The following CORO7 variants were observed in gnomAD, a reference collection of about 807,000 sequenced individuals.
CORO7 encodes coronin 7.
In CORO7, 107 loss-of-function variants were observed where a neutral mutation model predicts 126.6. That is an observed-to-expected ratio of 0.85 (90% CI 0.72 to 0.99). The LOEUF is 0.99. CORO7 is among the 50% of genes least tolerant of loss of function. The pLI is 0.00. For synonymous variants in CORO7, 603 were observed against 536.8 expected (o/e 1.12, Z -1.70); for missense variants, 1,314 against 1,255.8 (o/e 1.05, Z -0.70).
chr16:4,365,683 A>G, intron 9 of CORO7, 138 bp from the exon 10 acceptor site: 1 of 1,177,132 alleles, frequency 8.5e-7, no homozygotes, highest in Non-Finnish European at 1.2e-6. Flanking sequence ...CCTGGTCCCC[A>G]GGAACCCCCT....
Position 4,357,174 on chromosome 16 carries a change from C to T in CORO7, c.2679G>A (p.Lys893=), listed in dbSNP as rs1216737107. The change falls in exon 26 of 28, where the codon AAG becomes AAA. Residue 893 remains lysine (K), a synonymous_variant. Transcript: ENST00000251166. The part of the protein sequence containing the change: ...YLEEKSDQQK[K]EELLNAMVAK... The stretch of plus-strand genomic sequence containing the variant: ...TGCTCTCTCCCATGCCTACCTCCTC[C>T]TTCTTTTGCTGGTCAGACTTTTCTT... 3.7e-6 allele frequency: 6 copies of T among 1,613,816 alleles called. No individual in the cohort carries two copies. The highest frequency in any genetic ancestry group is 2.7e-5 in the African/African-American group (2 of 74,906).
Position 4,359,300 on chromosome 16 carries a change from T to TG in CORO7, c.2335dup (p.His779ProfsTer9), listed in dbSNP as rs2054082340. ...GAGGCGCCAGGGTGGCCTCACCTTG[T>TG]GGGGGTCAGGCGACGTGAAGCTGTT... On this transcript the variant is annotated frameshift_variant, in exon 23 of 28. Coordinates refer to ENST00000251166, the MANE Select transcript of CORO7 (RefSeq NM_024535.5). LOFTEE classifies it high-confidence loss of function. 6.2e-7 allele frequency: 1 copy of TG among 1,604,632 alleles called. No individual in the cohort carries two copies. The highest frequency in any genetic ancestry group is 8.5e-7 in the Non-Finnish European group (1 of 1,176,532).
intron 6 of CORO7, among the ~76,000 whole-genome samples, chr16:4,402,575 C>T (rs1209937303): frequency 2.6e-5 from 4 of 152,166 alleles, no homozygotes; most frequent in African/African-American, 7.2e-5. Flanking sequence ...TGTGAGGATG[C>T]GGACAGCGCC....
intron 9 of CORO7, among the ~76,000 whole-genome samples, chr16:4,368,105 G>A (rs2054404430): frequency 6.6e-6 from 1 of 152,180 alleles, no homozygotes. Flanking sequence ...CCAGCACTTT[G>A]GGAGGCCGAG....
At chr16:4,388,439 G>T in intron 8 of CORO7, 106 bp downstream of exon 8, 1 of 1,284,950 alleles carries the variant, frequency 7.8e-7, no homozygotes, top group Non-Finnish European at 1.1e-6. Flanking sequence ...GGACAGGCCT[G>T]GAACTGGCCC....
At chr16:4,361,929 C>T (rs182234595) in intron 16 of CORO7, 56 bp downstream of exon 16, 13 of 1,553,404 alleles carry the variant, frequency 8.4e-6, no homozygotes, top group Admixed American at 5.8e-5. Context: ...AGGCCCTCCG[C>T]GTCTTTGCCA....
rs1395301868 is a variant in CORO7, at chr16:4,359,502, C to T, written c.2228G>A (p.Gly743Asp). ...TLLPSYDPDT[G>D]LVLLTGKGDT... ...CACCTTGCCGGTCAGGAGCACCAGG[C>T]CAGTGTCTGGGTCGTAGCTGGGCAG... The change falls in exon 22 of 28, where the codon GGC (glycine) becomes GAC (aspartate). Residue 743 changes from glycine (G) to aspartate (D), a missense_variant. Transcript: ENST00000251166. 6.2e-7 allele frequency: 1 copy of T among 1,613,398 alleles called. No individual in the cohort carries two copies. Among genetic ancestry groups the T allele is most frequent in the South Asian group, 1.1e-5 (1 of 91,092 alleles).
intron 12 of CORO7, 32 bp downstream of exon 12, chr16:4,364,743 C>G: frequency 6.3e-7 from 1 of 1,599,376 alleles, no homozygotes; most frequent in Non-Finnish European, 8.5e-7. Context: ...GACTCCCCAG[C>G]CCCCGCAGTC....
chr16:4,404,881 A>G (rs2055940051), intron 6 of CORO7, among the ~76,000 whole-genome samples: 1 of 151,912 alleles, frequency 6.6e-6, no homozygotes, highest in Admixed American at 6.6e-5. Flanking sequence ...CCCTCACTGC[A>G]CCACCTGCCC....
At chr16:4,400,953 T>C (rs1346089886) in intron 6 of CORO7, among the ~76,000 whole-genome samples, 1 of 152,158 alleles carries the variant, frequency 6.6e-6, no homozygotes, top group Non-Finnish European at 1.5e-5. Context: ...TCACTTTTTC[T>C]GTAAACTTAA....
intron 9 of CORO7, among the ~76,000 whole-genome samples, chr16:4,366,534 G>A (rs2054354078): frequency 7.7e-6 from 1 of 129,894 alleles, no homozygotes; most frequent in Non-Finnish European, 1.6e-5. Flanking sequence ...CCTGATCTTT[G>A]CTTTTTTTTT....
At chr16:4,360,601 C>T in intron 19 of CORO7, 53 bp from the exon 20 acceptor site, 1 of 1,543,224 alleles carries the variant, frequency 6.5e-7, no homozygotes, top group South Asian at 1.2e-5. Flanking sequence ...CTGGCCCCAC[C>T]TCTCCCCACT....
intron 1 of CORO7, chr16:4,415,785 C>G (rs919471935): frequency 1.0e-6 from 1 of 985,622 alleles, no homozygotes; most frequent in Non-Finnish European, 1.2e-6. Flanking sequence ...GTCCTCCTGC[C>G]GTTTCGGGGG....
chr16:4,381,602 C>G lies in CORO7; in HGVS notation c.785+6384G>C, dbSNP rs374909207. ...GTGATCCGAGGCCTCCGGGGCCTGA[C>G]GCGCCTGCGGCTGGCCGGCAACACC... On this transcript the variant is annotated intron_variant, in intron 9 of 27. Transcript: ENST00000251166. 2 of 1,599,048 alleles carry G rather than the reference C, an allele frequency of 1.3e-6. No individual in the cohort carries two copies. Among genetic ancestry groups the G allele is most frequent in the Non-Finnish European group, 1.7e-6 (2 of 1,173,380 alleles).
intron 6 of CORO7, among the ~76,000 whole-genome samples, chr16:4,395,682 G>C (rs2141284599): frequency 6.6e-6 from 1 of 152,300 alleles, no homozygotes; most frequent in Non-Finnish European, 1.5e-5. Flanking sequence ...CTATCACCAT[G>C]ATCCCTCACA....
At position 4,355,147 on chromosome 16, in the gene CORO7, G is replaced by T; in HGVS notation, c.*11C>A. ...GCAGCACAGGTGAGGTGGAGGTGACGGGGGCGCAGGCTAGTCCTGGGGCGA... is the reference window on the plus strand; with the variant it reads ...GCAGCACAGGTGAGGTGGAGGTGACTGGGGCGCAGGCTAGTCCTGGGGCGA... On this transcript the variant is annotated 3_prime_UTR_variant, in exon 28 of 28. Coordinates refer to ENST00000251166, the MANE Select transcript of CORO7 (RefSeq NM_024535.5). 6.6e-7 allele frequency: 1 copy of T among 1,506,100 alleles called. No individual in the cohort carries two copies. Among genetic ancestry groups the T allele is most frequent in the Non-Finnish European group, 8.9e-7 (1 of 1,122,654 alleles). The allele number at this position is 1,506,100 out of a possible 1,614,324, so 93.3% of individuals were successfully genotyped here. A position where few individuals can be genotyped will look rare whatever the true frequency, so the allele number is the denominator to read the frequency against.
At chr16:4,377,546 G>C (rs1166808132) in intron 9 of CORO7, among the ~76,000 whole-genome samples, 1 of 152,218 alleles carries the variant, frequency 6.6e-6, no homozygotes, top group Admixed American at 6.5e-5. Flanking sequence ...AGGGCTGCTT[G>C]CACCAACTCC....
In CORO7 at chr16:4,359,024, G is replaced by A. The variant is rs188571910; in HGVS notation, c.2340+272C>T. On this transcript the variant is annotated intron_variant, in intron 23 of 27. Transcript: ENST00000251166. ...ACTCCTGGGCTCAAGCAATTCTCCT[G>A]CCTCAGCCTTCCGAAGTGTTGGGAT... 9 of 512,782 alleles carry A rather than the reference G, an allele frequency of 1.8e-5. No individual in the cohort carries two copies. In the Admixed American group the frequency reaches 3.1e-4, roughly 17 times the overall value. The allele number at this position is 512,782 out of a possible 1,614,324, so 31.8% of individuals were successfully genotyped here. A position where few individuals can be genotyped will look rare whatever the true frequency, so the allele number is the denominator to read the frequency against.
chr16:4,356,336 C>T (rs1443425556), intron 26 of CORO7: 1 of 152,344 alleles, frequency 6.6e-6, no homozygotes, highest in East Asian at 1.9e-4. Context: ...TCACTTATAT[C>T]CTCTTGCTTT....
Sources: allele counts gnomAD v4.1 joint callset (sites outside exome capture counted in the v4.1 genomes callset), GRCh38; gene constraint gnomAD v4.1.1; transcripts MANE v1.5; gene names NCBI Gene and HGNC (gene_info 2026-07-23, HGNC 2026-07-21).